Variants in SLC9A2 observed in about 807,000 individuals in gnomAD.
SLC9A2 encodes the protein sodium/hydrogen exchanger 2.
SLC9A2 carries 42 observed loss-of-function variants against 71.7 expected under a neutral mutation model. The ratio of observed to expected loss-of-function variants is 0.59; its 90% CI spans 0.46 to 0.76. The LOEUF is 0.76. Ranked by LOEUF, SLC9A2 falls within the 30% of genes least tolerant of loss-of-function variation. The probability of loss-of-function intolerance (pLI) is 0.00; values close to 1 mark genes in which losing one functional copy is unlikely to be tolerated. For missense variants in SLC9A2, 829 were observed against 1,017.4 expected, an observed-to-expected ratio of 0.81 and a Z score of 2.52; for synonymous variants, 396 against 392.5, an observed-to-expected ratio of 1.01 and a Z score of -0.10.
chr2:102,702,208 T>C (rs1200156079), intron 8 of SLC9A2, among the ~76,000 whole-genome samples, 198 bp from the exon 9 acceptor site: 2 of 152,236 alleles, frequency 1.3e-5, no homozygotes, highest in Non-Finnish European at 2.9e-5. Flanking sequence ...AACTTGTGAA[T>C]TGTTAAACTT....
chr2:102,665,782 A>T (rs1677125366), intron 3 of SLC9A2, among the ~76,000 whole-genome samples: 1 of 149,118 alleles, frequency 6.7e-6, no homozygotes, highest in Admixed American at 6.6e-5. Flanking sequence ...TTAAAAAAAA[A>T]AAAAAAAAAA....
rs35453859 is a variant in SLC9A2, at chr2:102,635,888, C to CTT, written c.289+15763_289+15764dup. Among the ~76,000 whole-genome samples the CTT allele has an allele frequency of 3.9e-4, 57 of 145,080 alleles. 1 individual carries two copies. The highest frequency in any genetic ancestry group is 1.3e-3 in the African/African-American group (52 of 39,596). Reference sequence around the variant, plus strand: ...ATTGGCTCCATCTGCATAATTTTTTCTTTTTTTTTTTTTGATCTTTTTCTT... The same window carrying CTT: ...ATTGGCTCCATCTGCATAATTTTTTCTTTTTTTTTTTTTTTGATCTTTTTCTT... On this transcript the variant is annotated intron_variant, in intron 1 of 11. Transcript: ENST00000233969.
chr2:102,638,349 T>G (rs6717565), intron 1 of SLC9A2, among the ~76,000 whole-genome samples: 86,468 of 152,156 alleles, frequency 0.57, 26,281 homozygotes, highest in African/African-American at 0.78. Flanking sequence ...TTCTCAGAAA[T>G]TGATCATGTT....
chr2:102,640,827 C>A (rs1217010752), intron 1 of SLC9A2, among the ~76,000 whole-genome samples: 1 of 152,182 alleles, frequency 6.6e-6, no homozygotes, highest in Non-Finnish European at 1.5e-5. Flanking sequence ...GCAACCAGCA[C>A]CCATCTTGAA....
chr2:102,639,094 G>A (rs535520561), intron 1 of SLC9A2, among the ~76,000 whole-genome samples: 2 of 152,312 alleles, frequency 1.3e-5, no homozygotes, highest in African/African-American at 4.8e-5. Flanking sequence ...TGAGGTGAGA[G>A]GATTTCTTGA....
chr2:102,691,001 C>T (rs950687602), intron 5 of SLC9A2, among the ~76,000 whole-genome samples: 8 of 148,094 alleles, frequency 5.4e-5, no homozygotes. Context: ...GAAAAGAATG[C>T]TCATGACACT....
At chr2:102,681,377 C>T (rs997903175) in intron 3 of SLC9A2, among the ~76,000 whole-genome samples, 1 of 152,216 alleles carries the variant, frequency 6.6e-6, no homozygotes, top group Non-Finnish European at 1.5e-5. Context: ...CGGCCCAGTA[C>T]TGTCTTTAAA....
chr2:102,684,020 G>A, intron 4 of SLC9A2, 114 bp from the exon 5 acceptor site: 1 of 721,276 alleles, frequency 1.4e-6, no homozygotes, highest in Admixed American at 2.6e-5. Context: ...AAAGACTTTG[G>A]GGCCTATTCT....
chr2:102,656,816 T>C (rs924268861), intron 1 of SLC9A2, among the ~76,000 whole-genome samples: 2 of 152,170 alleles, frequency 1.3e-5, no homozygotes, highest in African/African-American at 4.8e-5. Context: ...TTACAAAGCA[T>C]GAAAATAACT....
intron 1 of SLC9A2, among the ~76,000 whole-genome samples, chr2:102,652,991 A>T (rs745922642): frequency 1.3e-5 from 2 of 152,220 alleles, no homozygotes; most frequent in African/African-American, 2.4e-5. Flanking sequence ...TCTGTGAACA[A>T]TGAAATTTAA....
intron 5 of SLC9A2, 141 bp downstream of exon 5, chr2:102,684,477 T>C: frequency 2.5e-6 from 2 of 793,076 alleles, no homozygotes; most frequent in Non-Finnish European, 4.2e-6. Flanking sequence ...CCTGTCTGGG[T>C]TCATGTCACT....
chr2:102,705,764 T>C, intron 10 of SLC9A2, 82 bp from the exon 11 acceptor site: 1 of 767,292 alleles, frequency 1.3e-6, no homozygotes, highest in Non-Finnish European at 2.0e-6. Context: ...TAACATGAAG[T>C]TTTGCTATAC....
chr2:102,691,748 G>A (rs1410132949), intron 5 of SLC9A2, among the ~76,000 whole-genome samples: 1 of 152,166 alleles, frequency 6.6e-6, no homozygotes, highest in African/African-American at 2.4e-5. Flanking sequence ...TGATGGGGTG[G>A]TAGGCCACAC....
At chr2:102,691,877 T>C (rs557786869) in intron 5 of SLC9A2, among the ~76,000 whole-genome samples, 41 of 152,124 alleles carry the variant, frequency 2.7e-4, no homozygotes, top group Non-Finnish European at 5.4e-4. Flanking sequence ...CCTATCTTTA[T>C]GTCCTGTATT....
intron 2 of SLC9A2, among the ~76,000 whole-genome samples, chr2:102,663,414 TAATTG>T (rs1414512760): frequency 6.6e-6 from 1 of 152,216 alleles, no homozygotes; most frequent in African/African-American, 2.4e-5. Context: ...AATAAGGTGC[TAATTG>T]ATCACAAGGA....
chr2:102,673,912 C>T (rs1296431255), intron 3 of SLC9A2, among the ~76,000 whole-genome samples: 5 of 151,658 alleles, frequency 3.3e-5, no homozygotes, highest in African/African-American at 4.8e-5. Flanking sequence ...CTCAGCTGCC[C>T]GAGCAGCTGG....
chr2:102,664,098 A>T (rs1201141620), intron 2 of SLC9A2, among the ~76,000 whole-genome samples: 1 of 152,002 alleles, frequency 6.6e-6, no homozygotes, highest in Non-Finnish European at 1.5e-5. Flanking sequence ...CAACATCATG[A>T]GACCCCATCT....
At chr2:102,678,080 C>T (rs72999559) in intron 3 of SLC9A2, among the ~76,000 whole-genome samples, 176 of 152,238 alleles carry the variant, frequency 1.2e-3, no homozygotes, top group African/African-American at 4.0e-3. Flanking sequence ...TGGCATAAGT[C>T]ACCCTTTGCT....
chr2:102,657,454 C>T (rs1676965698), intron 1 of SLC9A2, 110 bp from the exon 2 acceptor site: 1 of 677,958 alleles, frequency 1.5e-6, no homozygotes, highest in South Asian at 2.0e-5. Flanking sequence ...GTGATACTGA[C>T]TTGGGAGATG....
Sources: gnomAD v4.1 joint callset for allele counts (sites outside exome capture counted in the v4.1 genomes callset) on GRCh38, gnomAD v4.1.1 for gene constraint, MANE v1.5 for transcripts, NCBI Gene and HGNC (gene_info 2026-07-23, HGNC 2026-07-21) for gene names.